Variants in RTL3 observed in about 807,000 individuals in gnomAD.
RTL3 encodes retrotransposon Gag like 3, also known as retrotransposon Gag-like protein 3.
For synonymous variants in RTL3, 181 were observed against 132.2 expected, an observed-to-expected ratio of 1.37 and a Z score of -2.53; for missense variants, 468 against 341.8, an observed-to-expected ratio of 1.37 and a Z score of -2.91.
Position 78,657,017 on chromosome X carries a change from C to G in RTL3, c.1404G>C (p.Ala468=). ...CPVKPHQALQ[A]GNIQACQ ...CTTACTGGCAGGCCTGGATGTTTCC[C>G]GCCTGCAGGGCCTGATGAGGCTTGA... The change falls in exon 2 of 2, where the codon GCG becomes GCC. Residue 468 remains alanine, a synonymous_variant. Transcript: ENST00000321110. 1.7e-6 allele frequency: 2 copies of G among 1,209,470 alleles called. No homozygotes were observed.
rs1223242400 is a variant in RTL3 at position 78,657,614 on chromosome X, A to G, written c.807T>C (p.Tyr269=). 1.7e-6 allele frequency: 2 copies of G among 1,207,118 alleles called. No individual in the cohort carries two copies. Among genetic ancestry groups the G allele is most frequent in the Admixed American group, 4.4e-5 (2 of 45,538 alleles). Reference sequence around the variant, plus strand: ...AGCTCACCAGGGCTGCTTCAGTGGGATACAGGTGCCCTCTGACTCTCATGT... The same window carrying G: ...AGCTCACCAGGGCTGCTTCAGTGGGGTACAGGTGCCCTCTGACTCTCATGT... ...YSYMRVRGHL[Y]PTEAALVSFV... Residue 269 remains tyrosine (Y), a synonymous_variant, in exon 2 of 2, where the codon TAT becomes TAC. Coordinates refer to ENST00000321110, the MANE Select transcript of RTL3 (RefSeq NM_152694.3).
rs1407668867 is a variant in RTL3 at position 78,658,009 on chromosome X, C to T, written c.412G>A (p.Gly138Ser). ...TCCTGGGTGTTTGCAGGCCCCTGGCCCTCCAAGACTGTTGGGATCTCATGG... is the reference window on the plus strand; with the variant it reads ...TCCTGGGTGTTTGCAGGCCCCTGGCTCTCCAAGACTGTTGGGATCTCATGG... ...MAHEIPTVLEGQGPANTQDAT... is the reference protein window; with the variant it reads ...MAHEIPTVLESQGPANTQDAT... Residue 138 changes from glycine to serine, a missense_variant, in exon 2 of 2, where the codon GGC (glycine) becomes AGC (serine). By Grantham distance (56) the Gly-to-Ser change is moderately conservative (BLOSUM62 0). Coordinates refer to ENST00000321110, the MANE Select transcript of RTL3 (RefSeq NM_152694.3). 5.9e-6 allele frequency: 7 copies of T among 1,178,510 alleles called. No individual in the cohort carries two copies. Among genetic ancestry groups the T allele is most frequent in the Non-Finnish European group, 7.9e-6 (7 of 883,851 alleles).
rs1164226503 is a variant in RTL3 at position 78,657,030 on chromosome X, T to C, written c.1391A>G (p.Gln464Arg). 2.2e-5 allele frequency: 27 copies of C among 1,211,104 alleles called. No individual in the cohort carries two copies. The highest frequency in any genetic ancestry group is 3.0e-5 in the Non-Finnish European group (27 of 894,961). ...CTGGATGTTTCCCGCCTGCAGGGCC[T>C]GATGAGGCTTGACAGGGCAATCTCT... ...FARDCPVKPH[Q>R]ALQAGNIQAC... is the part of the protein sequence containing the mutation. The change falls in exon 2 of 2, where the codon CAG becomes CGG. Residue 464 changes from glutamine (Q) to arginine (R), a missense_variant. Gln to Arg is a conservative substitution (Grantham distance 43, BLOSUM62 1). Transcript: ENST00000321110.
Position 78,658,127 on chromosome X carries a change from T to C in RTL3, c.294A>G (p.Glu98=). 8.7e-7 allele frequency: 1 copy of C among 1,152,111 alleles called. No homozygotes were observed. Among genetic ancestry groups the C allele is most frequent in the Non-Finnish European group, 1.1e-6 (1 of 870,740 alleles). 94.9% of individuals were successfully genotyped at this position (1,152,111 alleles called of 1,213,427 possible). The change falls in exon 2 of 2, where the codon GAA becomes GAG. Residue 98 remains glutamate (E), a synonymous_variant. Coordinates refer to ENST00000321110, the MANE Select transcript of RTL3 (RefSeq NM_152694.3). ...PPEPQDLLPW[E]PPAAWELQEA... ...CCTGGAGTTCCCAGGCTGCTGGGGG[T>C]TCCCAGGGTAGAAGATCCTGTGGCT...
intron 1 of RTL3, among the ~76,000 whole-genome samples, chrX:78,658,850 T>C (rs907061518): frequency 3.6e-5 from 4 of 112,157 alleles, no homozygotes; most frequent in African/African-American, 1.3e-4. Flanking sequence ...ATTTATCCTT[T>C]GAAACTTAAC....
Position 78,658,133 on chromosome X carries a change from G to A in RTL3, c.288C>T (p.Pro96=), listed in dbSNP as rs150220717. Residue 96 remains proline, a synonymous_variant, in exon 2 of 2, where the codon CCC becomes CCT. Coordinates refer to ENST00000321110, the MANE Select transcript of RTL3 (RefSeq NM_152694.3). ...GTTCCCAGGCTGCTGGGGGTTCCCA[G>A]GGTAGAAGATCCTGTGGCTCTGGTG... The part of the protein sequence containing the change: ...QKPPEPQDLL[P]WEPPAAWELQ... 1.5e-5 allele frequency: 17 copies of A among 1,156,699 alleles called. No individual in the cohort carries two copies. Among genetic ancestry groups the A allele is most frequent in the African/African-American group, 3.7e-5 (2 of 54,264 alleles).
chrX:78,657,628 T>C lies in RTL3; in HGVS notation c.793A>G (p.Arg265Gly), dbSNP rs753495838. ...GCTTCAGTGGGATACAGGTGCCCTC[T>C]GACTCTCATGTAACTATACAGCTGA... is the stretch of plus-strand genomic sequence containing the variant. The part of the protein sequence containing the change: ...LVQLYSYMRV[R>G]GHLYPTEAAL... The change falls in exon 2 of 2, where the codon AGA (arginine) becomes GGA (glycine). Residue 265 changes from arginine to glycine, a missense_variant. Coordinates refer to ENST00000321110, the MANE Select transcript of RTL3 (RefSeq NM_152694.3). The C allele has an allele frequency of 4.1e-6, 5 of 1,207,288 alleles. No homozygotes were observed. Among genetic ancestry groups the C allele is most frequent in the South Asian group, 3.6e-5 (2 of 56,033 alleles).
rs199644700 is a variant in RTL3 at position 78,657,699 on chromosome X, G to C, written c.722C>G (p.Thr241Ser). The stretch of plus-strand genomic sequence containing the variant: ...CTGGGAATCTCCACTGAAGGTTAAA[G>C]TGTATTGCAGGGGGAAATCTGTAGC... ...LEATDFPLQY[T>S]LTFSGDSQKL... The change falls in exon 2 of 2, where the codon ACT becomes AGT. Residue 241 changes from threonine (T) to serine (S), a missense_variant. Thr to Ser is a moderately conservative substitution (Grantham distance 58). Transcript: ENST00000321110. 2.4e-4 allele frequency: 285 copies of C among 1,208,445 alleles called. No individual in the cohort carries two copies. Among genetic ancestry groups the C allele is most frequent in the Non-Finnish European group, 3.1e-4 (274 of 894,613 alleles).
Position 78,658,422 on chromosome X carries a change from T to A in RTL3, c.-2A>T, listed in dbSNP as rs1312266151. 12 of 1,180,801 alleles carry A rather than the reference T, an allele frequency of 1.0e-5. No homozygotes were observed. The Admixed American group carries it at 1.4e-4, about 14-fold the overall frequency. On this transcript the variant is annotated 5_prime_UTR_variant, in exon 2 of 2. It adds an upstream start codon to the 5' untranslated region. Coordinates refer to ENST00000321110, the MANE Select transcript of RTL3 (RefSeq NM_152694.3). ...GGAGGCTGCTAAGTCCTCCACCATC[T>A]TTTGAGGAAATGGGTATGATTTGAC...
In RTL3 at chrX:78,657,512, CTCCAGTAAGGGGCTTTGGATA is replaced by C. The variant is rs1569555337; in HGVS notation, c.888_908del (p.Asp296_Leu302del). 2.5e-6 allele frequency: 3 copies of C among 1,206,839 alleles called. No homozygotes were observed. In the Admixed American group the frequency reaches 6.6e-5, roughly 26 times the overall value. Reference sequence around the variant, plus strand: ...GCACAGGTATGAAACTTTCACATTGCTCCAGTAAGGGGCTTTGGATATCCAGTAAGAGCTGGAACCACCATC... The same window carrying C: ...GCACAGGTATGAAACTTTCACATTGCTCCAGTAAGAGCTGGAACCACCATC... On this transcript the variant is annotated inframe_deletion, in exon 2 of 2. Coordinates refer to ENST00000321110, the MANE Select transcript of RTL3 (RefSeq NM_152694.3).
Position 78,657,996 on chromosome X carries a change from G to A in RTL3, c.425C>T (p.Ala142Val). Reference sequence around the variant, plus strand: ...GGCTATTGTGGCATCCTGGGTGTTTGCAGGCCCCTGGCCCTCCAAGACTGT... The same window carrying A: ...GGCTATTGTGGCATCCTGGGTGTTTACAGGCCCCTGGCCCTCCAAGACTGT... ...IPTVLEGQGP[A>V]NTQDATIAQE... The change falls in exon 2 of 2, where the codon GCA becomes GTA. Residue 142 changes from alanine to valine, a missense_variant. Physicochemically the swap from Ala to Val is moderately conservative, Grantham distance 64. Coordinates refer to ENST00000321110, the MANE Select transcript of RTL3 (RefSeq NM_152694.3). The A allele has an allele frequency of 8.4e-7, 1 of 1,195,875 alleles. No individual in the cohort carries two copies. Among genetic ancestry groups the A allele is most frequent in the Middle Eastern group, 2.4e-4 (1 of 4,233 alleles).
chrX:78,657,195 C>A lies in RTL3; in HGVS notation c.1226G>T (p.Gly409Val), dbSNP rs766545682. 16 of 1,212,240 alleles carry A rather than the reference C, an allele frequency of 1.3e-5. No homozygotes were observed. The highest frequency in any genetic ancestry group is 1.7e-5 in the Non-Finnish European group (15 of 895,608). Residue 409 changes from glycine (G) to valine (V), a missense_variant, in exon 2 of 2, where the codon GGA (glycine) becomes GTA (valine). Gly to Val is a moderately radical substitution (Grantham distance 109). Coordinates refer to ENST00000321110, the MANE Select transcript of RTL3 (RefSeq NM_152694.3). The stretch of plus-strand genomic sequence containing the variant: ...AGCTGGTGGACTCTCGGGTCCATCT[C>A]CCTCTGCAGAGGAACTTTTCCCTAA... ...NPLGKSSSAE[G>V]DGPESPPAEN...
chrX:78,658,465 G>T lies in RTL3; in HGVS notation c.-45C>A. ...GATTTGACAATTTGCTACCAAGAGA[G>T]ATTGGGTGGGTGTTTGTGAGATCCT... On this transcript the variant is annotated 5_prime_UTR_variant, in exon 2 of 2. Transcript: ENST00000321110. 9.2e-7 allele frequency: 1 copy of T among 1,084,892 alleles called. No individual in the cohort carries two copies. The highest frequency in any genetic ancestry group is 1.8e-5 in the African/African-American group (1 of 54,650). The allele number at this position is 1,084,892 out of a possible 1,213,427, so 89.4% of individuals were successfully genotyped here.
At position 78,656,271 on chromosome X, in the gene RTL3, T is replaced by A. The variant is rs1310194092; in HGVS notation, c.*722A>T. On this transcript the variant is annotated 3_prime_UTR_variant, in exon 2 of 2. Transcript: ENST00000321110. ...GTTAGTATAATTGTAATTAAAACAG[T>A]TCCGCAGGATGCAGAGTTCTGAGAT... 9.0e-6 allele frequency: 1 copy of A among 111,120 alleles called. No homozygotes were observed. The highest frequency in any genetic ancestry group is 1.9e-5 in the Non-Finnish European group (1 of 52,987). 9.2% of individuals were successfully genotyped at this position (111,120 alleles called of 1,213,427 possible). A position where few individuals can be genotyped will look rare whatever the true frequency, so the allele number is the denominator to read the frequency against.
chrX:78,657,788 C>T lies in RTL3; in HGVS notation c.633G>A (p.Glu211=). 1 of 1,211,625 alleles carries T rather than the reference C, an allele frequency of 8.3e-7. No individual in the cohort carries two copies. Among genetic ancestry groups the T allele is most frequent in the Non-Finnish European group, 1.1e-6 (1 of 895,445 alleles). The change falls in exon 2 of 2, where the codon GAG becomes GAA. Residue 211 remains glutamate, a synonymous_variant. Coordinates refer to ENST00000321110, the MANE Select transcript of RTL3 (RefSeq NM_152694.3). ...CTGATGTCTCCACAACTATTAGACCCTCCAGGGACTCCTGGGCTGCTGAGA... is the reference window on the plus strand; with the variant it reads ...CTGATGTCTCCACAACTATTAGACCTTCCAGGGACTCCTGGGCTGCTGAGA... ...LELSAAQESL[E]GLIVVETSAA...
In RTL3 at chrX:78,657,045, G is replaced by C; in HGVS notation, c.1376C>G (p.Pro459Arg). 1 of 1,211,995 alleles carries C rather than the reference G, an allele frequency of 8.3e-7. No individual in the cohort carries two copies. The highest frequency in any genetic ancestry group is 1.1e-6 in the Non-Finnish European group (1 of 895,502). The change falls in exon 2 of 2, where the codon CCT becomes CGT. Residue 459 changes from proline to arginine, a missense_variant. Transcript: ENST00000321110. ...GYPGHFARDC[P>R]VKPHQALQAG... ...CTGCAGGGCCTGATGAGGCTTGACAGGGCAATCTCTGGCAAAATGACCAGG... is the reference window on the plus strand; with the variant it reads ...CTGCAGGGCCTGATGAGGCTTGACACGGCAATCTCTGGCAAAATGACCAGG...
Position 78,657,411 on chromosome X carries a change from C to T in RTL3, c.1010G>A (p.Gly337Asp). Residue 337 changes from glycine to aspartate, a missense_variant, in exon 2 of 2, where the codon GGT (glycine) becomes GAT (aspartate). Physicochemically the swap from Gly to Asp is moderately conservative, Grantham distance 94. Coordinates refer to ENST00000321110, the MANE Select transcript of RTL3 (RefSeq NM_152694.3). ...QCIHQLCQGE[G>D]HVATHFHLIA... ...GAGGTGGAAGTGGGTTGCTACATGA[C>T]CCTCCCCTTGGCAGAGTTGATGGAT... The T allele has an allele frequency of 1.7e-6, 2 of 1,211,750 alleles. No homozygotes were observed. The highest frequency in any genetic ancestry group is 2.2e-6 in the Non-Finnish European group (2 of 895,461).
chrX:78,657,662 C>G lies in RTL3; in HGVS notation c.759G>C (p.Glu253Asp). Residue 253 changes from glutamate to aspartate, a missense_variant, in exon 2 of 2, where the codon GAG (glutamate) becomes GAC (aspartate). Transcript: ENST00000321110. Reference protein sequence around the residue: ...TFSGDSQKLPEFLVQLYSYMR... With the variant: ...TFSGDSQKLPDFLVQLYSYMR... ...TGTAACTATACAGCTGAACCAGGAA[C>G]TCAGGAAGCTTCTGGGAATCTCCAC... 2 of 1,208,176 alleles carry G rather than the reference C, an allele frequency of 1.7e-6. No individual in the cohort carries two copies. The highest frequency in any genetic ancestry group is 2.3e-4 in the Middle Eastern group (1 of 4,349).
At chrX:78,658,901 A>G (rs995560546) in intron 1 of RTL3, among the ~76,000 whole-genome samples, 6 of 111,697 alleles carry the variant, frequency 5.4e-5, no homozygotes, top group African/African-American at 2.0e-4. Context: ...TTTCTGTTTT[A>G]TATAGTCTTT....
Sources: allele counts gnomAD v4.1 joint callset (sites outside exome capture counted in the v4.1 genomes callset), GRCh38; gene constraint gnomAD v4.1.1; transcripts MANE v1.5; gene names NCBI Gene and HGNC (gene_info 2026-07-23, HGNC 2026-07-21).